Variants in GRIP1 observed in about 807,000 individuals in gnomAD.
The protein encoded by GRIP1 is glutamate receptor-interacting protein 1.
GRIP1 carries 45 observed loss-of-function variants against 129.9 expected under a neutral mutation model. That is an observed-to-expected ratio of 0.35 (90% CI 0.27 to 0.44). GRIP1 has a LOEUF of 0.44. Ranked by LOEUF, GRIP1 falls within the 20% of genes least tolerant of loss-of-function variation. GRIP1 has a pLI of 1.00. For synonymous variants in GRIP1, 530 were observed against 520.8 expected (o/e 1.02, Z -0.24); for missense variants, 1,196 against 1,396.8 (o/e 0.86, Z 2.29).
At chr12:66,694,377 G>A (rs1011736355) in intron 1 of GRIP1, among the ~76,000 whole-genome samples, 6 of 152,104 alleles carry the variant, frequency 3.9e-5, no homozygotes, top group African/African-American at 1.4e-4. Flanking sequence ...GCAAAAAAAT[G>A]TGGAAACAGA....
chr12:66,464,839 T>C lies in GRIP1; in HGVS notation c.872+436A>G, dbSNP rs1338109346. ...AGAACTGTGTGTGTGTGTGTGTGTA[T>C]GTGTATATGCATGTGTATATGTGTA... On this transcript the variant is annotated intron_variant, in intron 8 of 24. Transcript: ENST00000359742. Among the ~76,000 whole-genome samples the C allele has an allele frequency of 2.0e-5, 3 of 151,714 alleles. No homozygotes were observed. In the East Asian group the frequency reaches 5.8e-4, roughly 29 times the overall value.
At chr12:66,692,775 G>A (rs1369735398) in intron 1 of GRIP1, among the ~76,000 whole-genome samples, 2 of 152,176 alleles carry the variant, frequency 1.3e-5, no homozygotes, top group Non-Finnish European at 2.9e-5. Flanking sequence ...ACAGTGATAA[G>A]AGTGTGGGCT....
intron 1 of GRIP1, among the ~76,000 whole-genome samples, chr12:66,915,994 T>C (rs564858525): frequency 6.6e-6 from 1 of 152,284 alleles, no homozygotes; most frequent in African/African-American, 2.4e-5. Flanking sequence ...TGAGAAGGGC[T>C]GAAGCATGCT....
chr12:66,460,393 A>C (rs191348298), intron 9 of GRIP1, among the ~76,000 whole-genome samples: 198 of 152,302 alleles, frequency 1.3e-3, no homozygotes, highest in African/African-American at 4.7e-3. Flanking sequence ...GAGAGAGCAG[A>C]CCACAGTGGT....
Position 66,371,679 on chromosome 12 carries a change from A to G in GRIP1, c.3012+15T>C. On this transcript the variant is annotated intron_variant, in intron 23 of 24. Transcript: ENST00000359742. ...CCAAATTTGACCCTAGGGAAAGAAG[A>G]GAAAGCTTACTGACCTTGTGCAGCT... 6.4e-7 allele frequency: 1 copy of G among 1,557,412 alleles called. No homozygotes were observed. The highest frequency in any genetic ancestry group is 8.9e-7 in the Non-Finnish European group (1 of 1,128,200).
intron 1 of GRIP1, among the ~76,000 whole-genome samples, chr12:66,987,524 T>C (rs1230307207): frequency 9.9e-5 from 15 of 152,154 alleles, no homozygotes; most frequent in Non-Finnish European, 1.5e-5. Flanking sequence ...TGCAGAGTAG[T>C]GTCTCCCCTT....
intron 1 of GRIP1, among the ~76,000 whole-genome samples, chr12:66,874,979 T>C (rs2040358951): frequency 6.6e-6 from 1 of 152,070 alleles, no homozygotes; most frequent in Non-Finnish European, 1.5e-5. Flanking sequence ...ACCCTGTATG[T>C]ATGCTATAAA....
At position 66,889,226 on chromosome 12, in the gene GRIP1, G is replaced by A. The variant is rs1255298509; in HGVS notation, c.58+179824C>T. Among the ~76,000 whole-genome samples, 10 of 152,308 alleles carry A rather than the reference G, an allele frequency of 6.6e-5. No homozygotes were observed. The South Asian group carries it at 1.2e-3, about 19-fold the overall frequency. On this transcript the variant is annotated intron_variant, in intron 1 of 1. Coordinates refer to the GRIP1 transcript ENST00000643019. Reference sequence around the variant, plus strand: ...TGTAATCCCAGCACCTTGGGAGGCCGAGGCAGGTGGCTTACCTGAGGTCAG... The same window carrying A: ...TGTAATCCCAGCACCTTGGGAGGCCAAGGCAGGTGGCTTACCTGAGGTCAG...
At chr12:66,626,166 A>AAATACAAAAAAC (rs2030003402) in intron 1 of GRIP1, among the ~76,000 whole-genome samples, 1 of 152,034 alleles carries the variant, frequency 6.6e-6, no homozygotes. Flanking sequence ...TCTCTATCAA[A>AAATACAAAAAAC]AATACAAAAA....
intron 2 of GRIP1, among the ~76,000 whole-genome samples, chr12:66,588,755 G>A (rs1011784927): frequency 6.6e-6 from 1 of 152,084 alleles, no homozygotes; most frequent in Admixed American, 6.5e-5. Flanking sequence ...TAGATCATGA[G>A]GTCAGGAGTT....
At chr12:66,476,629 T>C (rs900433979) in intron 7 of GRIP1, among the ~76,000 whole-genome samples, 1 of 152,242 alleles carries the variant, frequency 6.6e-6, no homozygotes, top group Admixed American at 6.5e-5. Flanking sequence ...AAATCCTCAA[T>C]AAAATACTGG....
intron 2 of GRIP1, among the ~76,000 whole-genome samples, chr12:66,573,502 T>C (rs1425787348): frequency 6.6e-6 from 1 of 152,200 alleles, no homozygotes; most frequent in Non-Finnish European, 1.5e-5. Context: ...TAATCCTCAT[T>C]ACACTCTCAT....
chr12:66,865,611 C>G (rs905930485), intron 1 of GRIP1, among the ~76,000 whole-genome samples: 1 of 76,440 alleles, frequency 1.3e-5, no homozygotes, highest in African/African-American at 4.0e-5. Flanking sequence ...ATCCATCCAA[C>G]CATCCATCCA....
At chr12:66,569,696 A>T (rs1243982003) in intron 2 of GRIP1, among the ~76,000 whole-genome samples, 3 of 152,068 alleles carry the variant, frequency 2.0e-5, no homozygotes, top group Non-Finnish European at 4.4e-5. Context: ...GTCCAGCAAG[A>T]AAGTAATTTG....
intron 1 of GRIP1, among the ~76,000 whole-genome samples, chr12:66,907,482 C>T (rs879611664): frequency 6.6e-6 from 1 of 152,038 alleles, no homozygotes; most frequent in African/African-American, 2.4e-5. Flanking sequence ...TTACATTCAG[C>T]AAATGAATCT....
At chr12:66,365,864 C>T (rs1053039670) in intron 23 of GRIP1, among the ~76,000 whole-genome samples, 1 of 152,170 alleles carries the variant, frequency 6.6e-6, no homozygotes, top group African/African-American at 2.4e-5. Context: ...ATGATGGTGA[C>T]TTTACCAGAA....
At chr12:66,810,637 G>T (rs1374597424) in intron 1 of GRIP1, among the ~76,000 whole-genome samples, 1 of 152,056 alleles carries the variant, frequency 6.6e-6, no homozygotes, top group Non-Finnish European at 1.5e-5. Context: ...TTGTAACCAC[G>T]TCTCCCTCAT....
intron 2 of GRIP1, among the ~76,000 whole-genome samples, chr12:66,596,104 T>G (rs948399186): frequency 3.9e-5 from 6 of 152,236 alleles, no homozygotes; most frequent in Non-Finnish European, 8.8e-5. Flanking sequence ...TTAAATGCAT[T>G]AATGCTTTTA....
chr12:66,961,036 T>G (rs924974800), intron 1 of GRIP1, among the ~76,000 whole-genome samples: 1 of 152,282 alleles, frequency 6.6e-6, no homozygotes, highest in African/African-American at 2.4e-5. Context: ...TCCATCTGTG[T>G]GTCCATAAGA....
Sources: gnomAD v4.1 joint callset for allele counts (sites outside exome capture counted in the v4.1 genomes callset) on GRCh38, gnomAD v4.1.1 for gene constraint, MANE v1.5 for transcripts, NCBI Gene and HGNC (gene_info 2026-07-23, HGNC 2026-07-21) for gene names.